Variants in RNLS observed in about 807,000 individuals in gnomAD.
RNLS encodes the protein renalase.
RNLS carries 39 observed loss-of-function variants against 39.8 expected under a neutral mutation model. That is an observed-to-expected ratio of 0.98 (90% CI 0.76 to 1.28). RNLS has a LOEUF of 1.28. RNLS is among the 50% of genes most tolerant of loss of function. RNLS has a pLI of 0.00. For missense variants in RNLS, 410 were observed against 413.3 expected (o/e 0.99, Z 0.07); for synonymous variants, 147 against 150.7 (o/e 0.98, Z 0.18).
At chr10:88,477,885 C>T (rs1843909309) in intron 4 of RNLS, among the ~76,000 whole-genome samples, 1 of 152,176 alleles carries the variant, frequency 6.6e-6, no homozygotes, top group South Asian at 2.1e-4. Context: ...CATTACTAAG[C>T]TATGACACCA....
chr10:88,183,537 G>A, the RNLS span, among the ~76,000 whole-genome samples: 1 of 152,022 alleles, frequency 6.6e-6, no homozygotes, highest in Non-Finnish European at 1.5e-5. Flanking sequence ...GCACTTCCCT[G>A]TTCAAAAATC....
At chr10:88,203,258 G>GTA in the RNLS span, among the ~76,000 whole-genome samples, 9 of 11,632 alleles carry the variant, frequency 7.7e-4, 1 homozygote, top group African/African-American at 5.8e-3. Context: ...GTGTGTGTGT[G>GTA]TGTGTGTATG....
chr10:88,574,109 C>A (rs1334734994), intron 3 of RNLS, among the ~76,000 whole-genome samples: 3 of 152,150 alleles, frequency 2.0e-5, no homozygotes, highest in South Asian at 4.1e-4. Context: ...CCACTACCCT[C>A]CAGCCTAGGC....
chr10:88,194,070 C>T, the RNLS span, among the ~76,000 whole-genome samples: 1 of 152,152 alleles, frequency 6.6e-6, no homozygotes, highest in Non-Finnish European at 1.5e-5. Flanking sequence ...AGACTCTCAC[C>T]ATCTGGGCTC....
At chr10:88,416,785 A>G (rs1854057329) in intron 4 of RNLS, among the ~76,000 whole-genome samples, 2 of 152,186 alleles carry the variant, frequency 1.3e-5, no homozygotes, top group Admixed American at 1.3e-4. Flanking sequence ...GGATGTGGCA[A>G]TTTTACAAAT....
At chr10:88,233,564 A>G in the RNLS span, among the ~76,000 whole-genome samples, 2 of 152,350 alleles carry the variant, frequency 1.3e-5, no homozygotes, top group Non-Finnish European at 2.9e-5. Flanking sequence ...AACAACGCGT[A>G]ATCATCTGGG....
the RNLS span, among the ~76,000 whole-genome samples, chr10:88,229,958 TA>T: frequency 6.6e-6 from 1 of 152,226 alleles, no homozygotes; most frequent in Non-Finnish European, 1.5e-5. Flanking sequence ...CTTCTTTTGC[TA>T]AGAATTTCTG....
intron 6 of RNLS, 101 bp from the exon 7 acceptor site, chr10:88,285,607 G>T (rs959859472): frequency 3.0e-6 from 3 of 997,282 alleles, no homozygotes; most frequent in African/African-American, 1.6e-5. Context: ...GAGAAATCAA[G>T]ATTTCTCACA....
the RNLS span, among the ~76,000 whole-genome samples, chr10:88,199,639 C>T: frequency 6.6e-6 from 1 of 152,162 alleles, no homozygotes; most frequent in African/African-American, 2.4e-5. Context: ...GACACACTCA[C>T]TGCAGAGAAA....
At chr10:88,578,950 T>C (rs1173692355) in intron 3 of RNLS, among the ~76,000 whole-genome samples, 1 of 152,014 alleles carries the variant, frequency 6.6e-6, no homozygotes, top group African/African-American at 2.4e-5. Context: ...AACAAAAGGA[T>C]ATGTGTATGT....
chr10:88,192,793 A>G, the RNLS span, among the ~76,000 whole-genome samples: 42 of 152,300 alleles, frequency 2.8e-4, no homozygotes, highest in African/African-American at 9.1e-4. Context: ...TTCTACTTAT[A>G]CTTTTAGTAT....
chr10:88,392,074 C>T (rs1458982906), intron 4 of RNLS, among the ~76,000 whole-genome samples: 3 of 152,226 alleles, frequency 2.0e-5, no homozygotes, highest in Non-Finnish European at 4.4e-5. Flanking sequence ...CTCTATGTGA[C>T]TTGACTTAGA....
At chr10:88,318,222 G>A (rs1845909699) in intron 5 of RNLS, among the ~76,000 whole-genome samples, 1 of 152,210 alleles carries the variant, frequency 6.6e-6, no homozygotes, top group Non-Finnish European at 1.5e-5. Context: ...CAAACATGGG[G>A]CTGTTGGGTC....
At chr10:88,206,496 G>A in the RNLS span, among the ~76,000 whole-genome samples, 5 of 152,188 alleles carry the variant, frequency 3.3e-5, no homozygotes, top group East Asian at 1.9e-4. Context: ...TTTTGAAATC[G>A]TCTTTTGAGT....
intron 5 of RNLS, among the ~76,000 whole-genome samples, chr10:88,356,819 TGAC>T (rs1459222557): frequency 4.1e-5 from 4 of 96,410 alleles, no homozygotes; most frequent in Non-Finnish European, 1.0e-4. Flanking sequence ...CTCAGATTGC[TGAC>T]TATTGGCTAT....
At chr10:88,225,136 C>T in the RNLS span, among the ~76,000 whole-genome samples, 1 of 152,204 alleles carries the variant, frequency 6.6e-6, no homozygotes, top group African/African-American at 2.4e-5. Flanking sequence ...TCAGTTTCTA[C>T]ACCCACTAAA....
chr10:88,524,924 T>C (rs1278743814), intron 4 of RNLS, among the ~76,000 whole-genome samples: 1 of 136,768 alleles, frequency 7.3e-6, no homozygotes, highest in African/African-American at 2.8e-5. Flanking sequence ...TTAAACTCCA[T>C]GTATGCCATA....
chr10:88,572,694 T>C (rs1198056895), intron 4 of RNLS, among the ~76,000 whole-genome samples: 1 of 152,236 alleles, frequency 6.6e-6, no homozygotes, highest in Non-Finnish European at 1.5e-5. Flanking sequence ...AAGAAAAGTG[T>C]TCAACTTTTA....
At chr10:88,219,493 TTCA>T in the RNLS span, among the ~76,000 whole-genome samples, 46 of 152,350 alleles carry the variant, frequency 3.0e-4, no homozygotes, top group Non-Finnish European at 6.2e-4. Flanking sequence ...ACTTCTTGCT[TTCA>T]TCAACTCCCA....
Sources: gnomAD v4.1 joint callset for allele counts (sites outside exome capture counted in the v4.1 genomes callset) on GRCh38, gnomAD v4.1.1 for gene constraint, MANE v1.5 for transcripts, NCBI Gene and HGNC (gene_info 2026-07-23, HGNC 2026-07-21) for gene names.